The following GRIP1 variants were observed in gnomAD, a reference collection of about 807,000 sequenced individuals.
The protein encoded by GRIP1 is glutamate receptor-interacting protein 1.
Under a neutral mutation model 129.9 loss-of-function variants are expected in GRIP1, and 45 were observed. That is an observed-to-expected ratio of 0.35 (90% CI 0.27 to 0.44). The LOEUF (loss-of-function observed/expected upper bound fraction) is 0.44. GRIP1 is among the 20% of genes least tolerant of loss of function. The probability of loss-of-function intolerance (pLI) is 1.00; values close to 1 mark genes in which losing one functional copy is unlikely to be tolerated. For synonymous variants in GRIP1, 530 were observed against 520.8 expected (o/e 1.02, Z -0.24); for missense variants, 1,196 against 1,396.8 (o/e 0.86, Z 2.29).
intron 1 of GRIP1, among the ~76,000 whole-genome samples, chr12:66,716,103 A>T (rs1041688949): frequency 5.3e-5 from 8 of 152,058 alleles, no homozygotes; most frequent in Non-Finnish European, 1.2e-4. Context: ...CCCTTAAAAA[A>T]ATTATAATAC....
intron 1 of GRIP1, among the ~76,000 whole-genome samples, chr12:67,026,122 T>C (rs4512934): frequency 0.18 from 27,458 of 152,184 alleles, 3,062 homozygotes; most frequent in African/African-American, 0.31. Context: ...TTAATTTTCA[T>C]TGAATTATTT....
At chr12:66,735,295 T>C (rs2036558909) in intron 1 of GRIP1, among the ~76,000 whole-genome samples, 2 of 152,140 alleles carry the variant, frequency 1.3e-5, no homozygotes, top group African/African-American at 4.8e-5. Flanking sequence ...AAAGTAAAAA[T>C]ATGCTTATAA....
intron 1 of GRIP1, among the ~76,000 whole-genome samples, chr12:66,661,394 C>T (rs979402858): frequency 7.3e-5 from 10 of 136,094 alleles, no homozygotes; most frequent in African/African-American, 2.5e-4. Flanking sequence ...TTACTTCCAT[C>T]AAACAACAAA....
chr12:66,723,458 G>A lies in GRIP1; in HGVS notation c.-420+80595C>T, dbSNP rs553201877. 3.2e-4 allele frequency among the ~76,000 whole-genome samples: 48 copies of A among 151,506 alleles called. No individual in the cohort carries two copies. In the East Asian group the frequency reaches 7.0e-3, roughly 22 times the overall value. The stretch of plus-strand genomic sequence containing the variant: ...CTCCCGAGTAGCTGGGACTACAGGC[G>A]TGCGCCACCATGCCCAACTAATCTT... On this transcript the variant is annotated intron_variant, in intron 1 of 4. Coordinates refer to the GRIP1 transcript ENST00000538373.
chr12:66,519,949 C>A (rs7138741), intron 5 of GRIP1, among the ~76,000 whole-genome samples: 75,007 of 152,008 alleles, frequency 0.49, 19,088 homozygotes, highest in African/African-American at 0.63. Flanking sequence ...GAAATTTAAC[C>A]CTCCAAGGTT....
chr12:66,455,436 G>T lies in GRIP1; in HGVS notation c.1327C>A (p.Leu443Met). Residue 443 changes from leucine to methionine, a missense_variant, in exon 11 of 25, where the codon CTG becomes ATG. Transcript: ENST00000359742. ...SPRGTMMRRR[L>M]KKKDFKSSLS... ...GAGCTTTTGAAGTCTTTCTTTTTCA[G>T]TCTCCTCCTCATCATGGTTCCACGT... 1 of 1,614,140 alleles carries T rather than the reference G, an allele frequency of 6.2e-7. No homozygotes were observed. Among genetic ancestry groups the T allele is most frequent in the Non-Finnish European group, 8.5e-7 (1 of 1,179,984 alleles).
At chr12:66,641,890 G>C (rs879573128) in intron 1 of GRIP1, among the ~76,000 whole-genome samples, 6 of 152,160 alleles carry the variant, frequency 3.9e-5, no homozygotes, top group Non-Finnish European at 8.8e-5. Context: ...GTGAAGGACA[G>C]AGTAATAGTT....
intron 7 of GRIP1, among the ~76,000 whole-genome samples, chr12:66,498,466 A>C (rs2060300530): frequency 6.6e-6 from 1 of 152,212 alleles, no homozygotes; most frequent in African/African-American, 2.4e-5. Flanking sequence ...AACAGTTTGA[A>C]TTCTGGCTCT....
At chr12:66,737,185 G>A (rs996115167) in intron 1 of GRIP1, among the ~76,000 whole-genome samples, 4 of 152,240 alleles carry the variant, frequency 2.6e-5, no homozygotes, top group Middle Eastern at 3.4e-3. Flanking sequence ...GTTTGCTTAG[G>A]TTGCAGTTCA....
intron 1 of GRIP1, among the ~76,000 whole-genome samples, chr12:66,753,928 T>A (rs2037205030): frequency 6.6e-6 from 1 of 152,242 alleles, no homozygotes; most frequent in African/African-American, 2.4e-5. Flanking sequence ...TCATGGTTGG[T>A]GAGAAAATGT....
chr12:67,015,529 G>A (rs1041021866), intron 1 of GRIP1, among the ~76,000 whole-genome samples: 16 of 152,158 alleles, frequency 1.1e-4, no homozygotes, highest in African/African-American at 3.6e-4. Flanking sequence ...AGTCCTCAGA[G>A]CTTTGGAGAA....
chr12:67,027,505 C>T (rs928494266), intron 1 of GRIP1, among the ~76,000 whole-genome samples: 11 of 152,144 alleles, frequency 7.2e-5, no homozygotes, highest in Non-Finnish European at 1.2e-4. Context: ...GCTATAGTGA[C>T]GTGCAAAACC....
intron 1 of GRIP1, among the ~76,000 whole-genome samples, chr12:66,985,169 A>G (rs569849586): frequency 6.6e-6 from 1 of 152,294 alleles, no homozygotes; most frequent in South Asian, 2.1e-4. Flanking sequence ...CATTTTTATG[A>G]CTTAGCTTTA....
At chr12:66,885,579 A>G (rs570393495) in intron 1 of GRIP1, among the ~76,000 whole-genome samples, 1 of 152,290 alleles carries the variant, frequency 6.6e-6, no homozygotes, top group East Asian at 1.9e-4. Flanking sequence ...CAGATCACAG[A>G]TCACAGATCA....
chr12:67,061,802 C>T (rs545045255), intron 1 of GRIP1, among the ~76,000 whole-genome samples: 3 of 152,164 alleles, frequency 2.0e-5, no homozygotes, highest in Admixed American at 1.3e-4. Context: ...TTTGGTGGTT[C>T]CTTATTTTTA....
intron 1 of GRIP1, among the ~76,000 whole-genome samples, chr12:66,995,430 A>T (rs767381342): frequency 5.3e-5 from 8 of 152,130 alleles, no homozygotes; most frequent in Non-Finnish European, 8.8e-5. Flanking sequence ...TAGGAGAAAA[A>T]TTTTGAAAAC....
chr12:66,916,261 G>A lies in GRIP1; in HGVS notation c.58+152789C>T, dbSNP rs150262891. 1.8e-3 allele frequency among the ~76,000 whole-genome samples: 274 copies of A among 152,306 alleles called. 1 individual carries two copies. The highest frequency in any genetic ancestry group is 6.1e-3 in the African/African-American group (252 of 41,568). ...AGGTTGGGGCCCCTGCAAATAACACGGAGGTATCTGTACATCAACTCCCTG... is the reference window on the plus strand; with the variant it reads ...AGGTTGGGGCCCCTGCAAATAACACAGAGGTATCTGTACATCAACTCCCTG... On this transcript the variant is annotated intron_variant, in intron 1 of 1. Transcript: ENST00000643019.
intron 1 of GRIP1, among the ~76,000 whole-genome samples, chr12:66,883,944 C>A (rs2040521521): frequency 6.6e-6 from 1 of 152,162 alleles, no homozygotes; most frequent in Non-Finnish European, 1.5e-5. Flanking sequence ...AGCATAATGC[C>A]TGGCACATTG....
intron 13 of GRIP1, among the ~76,000 whole-genome samples, chr12:66,434,986 G>A (rs116896879): frequency 7.2e-5 from 11 of 152,340 alleles, no homozygotes; most frequent in Non-Finnish European, 1.3e-4. Context: ...ACCAGGTGGA[G>A]TGCATGTTTC....
Sources: gnomAD v4.1 joint callset for allele counts (sites outside exome capture counted in the v4.1 genomes callset) on GRCh38, gnomAD v4.1.1 for gene constraint, MANE v1.5 for transcripts, NCBI Gene and HGNC (gene_info 2026-07-23, HGNC 2026-07-21) for gene names.